The following ESRRG variants were observed in gnomAD, a reference collection of about 807,000 sequenced individuals.
The protein encoded by ESRRG is estrogen-related receptor gamma.
In ESRRG, 13 loss-of-function variants were observed where a neutral mutation model predicts 44.0. The ratio of observed to expected loss-of-function variants is 0.30; its 90% confidence interval spans 0.19 to 0.47. ESRRG has a LOEUF of 0.47. ESRRG is among the 20% of genes least tolerant of loss of function. ESRRG has a pLI of 1.00. For missense variants in ESRRG, 395 were observed against 580.6 expected (o/e 0.68, Z 3.29); for synonymous variants, 215 against 214.6 (o/e 1.00, Z -0.02).
intron 2 of ESRRG, among the ~76,000 whole-genome samples, chr1:216,903,909 G>A (rs1158955561): frequency 1.3e-5 from 2 of 152,086 alleles, no homozygotes; most frequent in East Asian, 3.9e-4. Context: ...GTTTTAAGGA[G>A]GACACGCAAA....
chr1:216,846,304 T>A (rs1291129037), intron 2 of ESRRG, among the ~76,000 whole-genome samples: 1 of 152,150 alleles, frequency 6.6e-6, no homozygotes, highest in Non-Finnish European at 1.5e-5. Context: ...TGCCATTTAG[T>A]TAACAATGCC....
intron 1 of ESRRG, among the ~76,000 whole-genome samples, chr1:216,973,930 C>A (rs1333603253): frequency 2.0e-5 from 3 of 151,986 alleles, no homozygotes; most frequent in Non-Finnish European, 4.4e-5. Flanking sequence ...ATAAGCGTAT[C>A]CCTGGTTTTT....
chr1:216,667,801 T>C (rs1488824080), intron 2 of ESRRG, among the ~76,000 whole-genome samples: 1 of 151,762 alleles, frequency 6.6e-6, no homozygotes, highest in Non-Finnish European at 1.5e-5. Flanking sequence ...CAAAGTGTAT[T>C]ACTTAAAATA....
At chr1:216,962,886 A>G (rs2069418873) in intron 1 of ESRRG, among the ~76,000 whole-genome samples, 1 of 152,206 alleles carries the variant, frequency 6.6e-6, no homozygotes, top group Non-Finnish European at 1.5e-5. Flanking sequence ...CGGGAAGTCT[A>G]AAAAAGAACC....
chr1:216,630,056 C>A (rs568392903), intron 3 of ESRRG, among the ~76,000 whole-genome samples: 67 of 152,254 alleles, frequency 4.4e-4, no homozygotes, highest in African/African-American at 1.4e-3. Flanking sequence ...TTAAGTAAAA[C>A]CCTGGTGAAG....
chr1:216,665,412 A>G (rs2073661487), intron 2 of ESRRG, among the ~76,000 whole-genome samples: 1 of 152,140 alleles, frequency 6.6e-6, no homozygotes, highest in South Asian at 2.1e-4. Context: ...AACTTTGATG[A>G]TATTATGCTA....
intron 1 of ESRRG, among the ~76,000 whole-genome samples, chr1:217,064,900 TG>T (rs1215947280): frequency 6.6e-6 from 1 of 152,110 alleles, no homozygotes; most frequent in Non-Finnish European, 1.5e-5. Context: ...ATATCCTGAC[TG>T]GGTTTTACTC....
intron 2 of ESRRG, among the ~76,000 whole-genome samples, chr1:216,897,427 A>C (rs947085244): frequency 6.6e-6 from 1 of 152,206 alleles, no homozygotes; most frequent in Non-Finnish European, 1.5e-5. Flanking sequence ...TTTAACTAGC[A>C]CTGCCAGTGA....
At chr1:216,679,660 G>C (rs2076708301) in intron 1 of ESRRG, among the ~76,000 whole-genome samples, 1 of 147,432 alleles carries the variant, frequency 6.8e-6, no homozygotes, top group South Asian at 2.1e-4. Context: ...CCAGAGGAGA[G>C]TTGCTTGGGG....
chr1:217,046,662 T>C (rs1052344232), intron 1 of ESRRG, among the ~76,000 whole-genome samples: 2 of 152,030 alleles, frequency 1.3e-5, no homozygotes, highest in African/African-American at 4.8e-5. Context: ...TGCAGGAGGA[T>C]CTCTTGAGTC....
At chr1:216,864,418 A>G (rs2096112323) in intron 2 of ESRRG, 1 of 152,004 alleles carries the variant, frequency 6.6e-6, no homozygotes, top group Admixed American at 6.6e-5. Context: ...AACACATTTA[A>G]AACATTTATA....
rs781773802 is a variant in ESRRG at position 216,677,368 on chromosome 1, G to A, written c.180C>T (p.Gly60=). The change falls in exon 2 of 7, where the codon GGC becomes GGT. Residue 60 remains glycine, a synonymous_variant. Transcript: ENST00000408911. ...TDSVNHHSPG[G]SSDASGSYSS... ...TGTAGCTCCCACTGGCGTCTGAAGAGCCACCAGGGCTGTGGTGGTTGACGC... is the reference window on the plus strand; with the variant it reads ...TGTAGCTCCCACTGGCGTCTGAAGAACCACCAGGGCTGTGGTGGTTGACGC... 6.2e-7 allele frequency: 1 copy of A among 1,614,166 alleles called. No homozygotes were observed. Among genetic ancestry groups the A allele is most frequent in the Non-Finnish European group, 8.5e-7 (1 of 1,180,018 alleles).
intron 3 of ESRRG, among the ~76,000 whole-genome samples, chr1:216,621,823 G>A (rs982212810): frequency 4.6e-5 from 7 of 152,196 alleles, no homozygotes; most frequent in Non-Finnish European, 7.3e-5. Flanking sequence ...ACTGGGTCAG[G>A]TTAATTCTGC....
intron 5 of ESRRG, among the ~76,000 whole-genome samples, chr1:216,550,894 TA>T (rs2056119734): frequency 5.9e-5 from 9 of 152,110 alleles, no homozygotes; most frequent in Admixed American, 5.9e-4. Context: ...AAGAACAGCA[TA>T]AAAGTCCTTT....
chr1:216,929,505 G>A (rs1298290982), intron 2 of ESRRG, among the ~76,000 whole-genome samples: 1 of 152,158 alleles, frequency 6.6e-6, no homozygotes, highest in Non-Finnish European at 1.5e-5. Flanking sequence ...GAGAGGGAGT[G>A]CTTGAAGAAA....
chr1:216,760,623 T>C (rs568308646), intron 2 of ESRRG, among the ~76,000 whole-genome samples: 1 of 152,024 alleles, frequency 6.6e-6, no homozygotes, highest in East Asian at 1.9e-4. Flanking sequence ...ATAAATTAAG[T>C]AATTTAAATT....
intron 3 of ESRRG, among the ~76,000 whole-genome samples, chr1:216,587,526 A>G (rs1414202832): frequency 1.3e-5 from 2 of 152,186 alleles, no homozygotes; most frequent in Non-Finnish European, 2.9e-5. Flanking sequence ...TTATTAAGAA[A>G]CATGAATATG....
At chr1:216,567,919 G>T in intron 4 of ESRRG, 69 bp downstream of exon 4, 2 of 978,402 alleles carry the variant, frequency 2.0e-6, no homozygotes, top group Non-Finnish European at 3.3e-6. Flanking sequence ...GCATGCCAAA[G>T]CTGATGTACA....
At chr1:216,932,066 T>C (rs2063430935) in intron 2 of ESRRG, among the ~76,000 whole-genome samples, 2 of 152,068 alleles carry the variant, frequency 1.3e-5, no homozygotes, top group Admixed American at 1.3e-4. Context: ...CAGCCGGACA[T>C]GGTGGCGTGC....
Sources: allele counts gnomAD v4.1 joint callset (sites outside exome capture counted in the v4.1 genomes callset), GRCh38; gene constraint gnomAD v4.1.1; transcripts MANE v1.5; gene names NCBI Gene and HGNC (gene_info 2026-07-23, HGNC 2026-07-21).